NDRG3: variants seen among roughly 807,000 people sequenced by gnomAD.
NDRG3 encodes the protein protein NDRG3.
A neutral mutation model predicts 57.2 loss-of-function variants in NDRG3; 23 were observed. The observed-to-expected ratio is 0.40, with a 90% CI of 0.29 to 0.57. NDRG3 has a LOEUF of 0.57. NDRG3 is among the 20% of genes least tolerant of loss of function. The pLI, the probability that NDRG3 is intolerant of heterozygous loss-of-function variation, is 0.42. For missense variants in NDRG3, 384 were observed against 457.3 expected, an observed-to-expected ratio of 0.84 and a Z score of 1.46; for synonymous variants, 132 against 162.6, an observed-to-expected ratio of 0.81 and a Z score of 1.43.
intron 5 of NDRG3, 110 bp downstream of exon 5, chr20:36,687,382 C>G (rs1600899255): frequency 1.8e-5 from 25 of 1,362,870 alleles, no homozygotes; most frequent in East Asian, 1.2e-4. Flanking sequence ...TAAGCATAAC[C>G]TATAGACGGT....
Position 36,653,351 on chromosome 20 carries a change from A to G in NDRG3, c.*169T>C. On this transcript the variant is annotated 3_prime_UTR_variant, in exon 16 of 16. Coordinates refer to ENST00000349004, the MANE Select transcript of NDRG3 (RefSeq NM_032013.4). The surrounding 1 kb of genome is among the most constrained non-coding windows in gnomAD (Gnocchi z 4.2). ...GGAAGTGGTTCTTGGGCTATACAAAAAAGGGGGTGGGCAGGCAGAGAGAAT... is the reference window on the plus strand; with the variant it reads ...GGAAGTGGTTCTTGGGCTATACAAAGAAGGGGGTGGGCAGGCAGAGAGAAT... 1.7e-6 allele frequency: 1 copy of G among 601,864 alleles called. No homozygotes were observed. The highest frequency in any genetic ancestry group is 2.3e-5 in the South Asian group (1 of 42,580). 37.3% of individuals were successfully genotyped at this position (601,864 alleles called of 1,614,324 possible). A position where few individuals can be genotyped will look rare whatever the true frequency, so the allele number is the denominator to read the frequency against.
chr20:36,680,433 CA>C (rs1981163533), intron 8 of NDRG3, among the ~76,000 whole-genome samples: 1 of 148,540 alleles, frequency 6.7e-6, no homozygotes. Context: ...TGCAGTGAGC[CA>C]AGATCATGCC....
intron 8 of NDRG3, 26 bp downstream of exon 8, chr20:36,680,790 G>A (rs1419854433): frequency 8.1e-6 from 13 of 1,595,154 alleles, no homozygotes; most frequent in East Asian, 2.2e-5. Context: ...AAGATAAGCC[G>A]ATGGACACCT....
chr20:36,704,756 T>C (rs1016727776), intron 3 of NDRG3, among the ~76,000 whole-genome samples: 1 of 152,220 alleles, frequency 6.6e-6, no homozygotes, highest in Admixed American at 6.5e-5. Context: ...AAGTACCAAA[T>C]AGTTATTACA....
Position 36,682,168 on chromosome 20 carries a change from A to G in NDRG3, c.444+350T>C, listed in dbSNP as rs924410471. Among the ~76,000 whole-genome samples, 8 of 152,202 alleles carry G rather than the reference A, an allele frequency of 5.3e-5. No homozygotes were observed. In the East Asian group the frequency reaches 1.5e-3, roughly 29 times the overall value. The stretch of plus-strand genomic sequence containing the variant: ...TCCAGTCCTTTCCTATGGCTATGAC[A>G]AACTTTATGTCAATCTATATTCTAA... On this transcript the variant is annotated intron_variant, in intron 7 of 15. Coordinates refer to ENST00000349004, the MANE Select transcript of NDRG3 (RefSeq NM_032013.4).
intron 8 of NDRG3, among the ~76,000 whole-genome samples, chr20:36,673,757 TG>T (rs1980392634): frequency 6.6e-6 from 1 of 152,170 alleles, no homozygotes. Flanking sequence ...ATAATGTCTC[TG>T]TAGGATAGTA....
rs548848824 is a variant in NDRG3, at chr20:36,680,816, T to C, written c.531A>G (p.Lys177=). The stretch of plus-strand genomic sequence containing the variant: ...ATGGACACCTTCATGTGGTACTTAC[T>C]TTGGAAGCTGCCCAGTCAATCCAGC... ...AKGWIDWAAS[K]LSGLTTNVVD... is the part of the protein sequence containing the mutation. Residue 177 remains lysine, a splice_region_variant and synonymous_variant, in exon 8 of 16, where the codon AAA becomes AAG. Coordinates refer to ENST00000349004, the MANE Select transcript of NDRG3 (RefSeq NM_032013.4). 8.1e-6 allele frequency: 13 copies of C among 1,613,770 alleles called. No homozygotes were observed. The African/African-American group carries it at 1.5e-4, about 18-fold the overall frequency.
chr20:36,719,594 T>C (rs1984471804), intron 2 of NDRG3, among the ~76,000 whole-genome samples: 1 of 152,016 alleles, frequency 6.6e-6, no homozygotes, highest in African/African-American at 2.4e-5. Context: ...CTCCAGAGGC[T>C]GCAGGTGAAG....
chr20:36,706,545 C>G (rs1237233395), intron 3 of NDRG3, among the ~76,000 whole-genome samples: 3 of 152,152 alleles, frequency 2.0e-5, no homozygotes, highest in African/African-American at 7.2e-5. Flanking sequence ...TACTCTATGA[C>G]CCAGGCTGGA....
At chr20:36,741,429 A>G (rs1020328228) in intron 1 of NDRG3, among the ~76,000 whole-genome samples, 5 of 152,208 alleles carry the variant, frequency 3.3e-5, no homozygotes, top group Admixed American at 1.3e-4. Flanking sequence ...TTACTTTAGC[A>G]AGCTCTTTTT....
chr20:36,665,086 A>G lies in NDRG3; in HGVS notation c.770T>C (p.Leu257Ser). 1 of 1,614,170 alleles carries G rather than the reference A, an allele frequency of 6.2e-7. No individual in the cohort carries two copies. Among genetic ancestry groups the G allele is most frequent in the Middle Eastern group, 1.6e-4 (1 of 6,062 alleles). Residue 257 changes from leucine to serine, a missense_variant, in exon 12 of 16, where the codon TTA becomes TCA. Physicochemically the swap from Leu to Ser is moderately radical, Grantham distance 145. Transcript: ENST00000349004. ...NKSKTLKCST[L>S]LVVGDNSPAV... is the part of the protein sequence containing the mutation. ...AGGCGAATTGTCCCCTACCACCAGT[A>G]AAGTAGAACACCTAGGTAGGCAAAG... is the stretch of plus-strand genomic sequence containing the variant.
chr20:36,721,622 A>G, intron 2 of NDRG3, 57 bp downstream of exon 2: 1 of 1,009,922 alleles, frequency 9.9e-7, no homozygotes, highest in South Asian at 1.4e-5. Flanking sequence ...CAGAAAATGA[A>G]ATACTATCAG....
chr20:36,735,676 G>A (rs1600975190), intron 1 of NDRG3, among the ~76,000 whole-genome samples: 1 of 152,082 alleles, frequency 6.6e-6, no homozygotes, highest in African/African-American at 2.4e-5. Flanking sequence ...TACAGGTGAG[G>A]ACATCAGGGT....
Position 36,653,838 on chromosome 20 carries a change from C to T in NDRG3, c.947-137G>A. 9.8e-6 allele frequency: 7 copies of T among 714,000 alleles called. No homozygotes were observed. Among genetic ancestry groups the T allele is most frequent in the Non-Finnish European group, 1.6e-5 (7 of 438,112 alleles). 44.2% of individuals were successfully genotyped at this position (714,000 alleles called of 1,614,324 possible). A position where few individuals can be genotyped will look rare whatever the true frequency, so the allele number is the denominator to read the frequency against. On this transcript the variant is annotated intron_variant, in intron 15 of 15. Coordinates refer to ENST00000349004, the MANE Select transcript of NDRG3 (RefSeq NM_032013.4). This position sits in a 1 kb window ranked among gnomAD's most constrained non-coding sequence, Gnocchi z 4.2. ...ACCCAGGACAAGATATAGCCATCCC[C>T]ATTTTGTATCATTTGCTCTAGGTGA...
intron 2 of NDRG3, among the ~76,000 whole-genome samples, chr20:36,712,958 T>C (rs2069294347): frequency 6.6e-6 from 1 of 152,080 alleles, no homozygotes; most frequent in Admixed American, 6.6e-5. Context: ...TGCAGTGGCA[T>C]GATCATAGCT....
chr20:36,663,927 C>T (rs932305156), intron 12 of NDRG3, among the ~76,000 whole-genome samples: 1 of 152,170 alleles, frequency 6.6e-6, no homozygotes, highest in Non-Finnish European at 1.5e-5. Context: ...TCTCCTGTCT[C>T]AGCCTCCCAA....
At chr20:36,716,801 G>A (rs1984306364) in intron 2 of NDRG3, among the ~76,000 whole-genome samples, 1 of 152,096 alleles carries the variant, frequency 6.6e-6, no homozygotes, top group Non-Finnish European at 1.5e-5. Context: ...AAGGTCTTTT[G>A]GGTGAGGAGC....
Position 36,680,380 on chromosome 20 carries a change from G to A in NDRG3, c.531+436C>T, listed in dbSNP as rs542101132. Among the ~76,000 whole-genome samples, 8 of 151,668 alleles carry A rather than the reference G, an allele frequency of 5.3e-5. No homozygotes were observed. In the South Asian group the frequency reaches 6.3e-4, roughly 12 times the overall value. ...TGGGCACCTGTAATCCCAGCCACTC[G>A]GGAGGCTGAGGCAGAGAATTGCTTG... On this transcript the variant is annotated intron_variant, in intron 8 of 15. Transcript: ENST00000349004.
intron 10 of NDRG3, among the ~76,000 whole-genome samples, 164 bp downstream of exon 10, chr20:36,666,125 C>T (rs1190288782): frequency 6.6e-6 from 1 of 152,194 alleles, no homozygotes; most frequent in Non-Finnish European, 1.5e-5. Flanking sequence ...ACAGCTGATC[C>T]ATTTCCTCAA....
Sources: gnomAD v4.1 joint callset for allele counts (sites outside exome capture counted in the v4.1 genomes callset) on GRCh38, gnomAD v4.1.1 for gene constraint, Gnocchi (gnomAD v3.1) non-coding constraint, MANE v1.5 for transcripts, NCBI Gene and HGNC (gene_info 2026-07-23, HGNC 2026-07-21) for gene names.